Variants in CHRM3 observed in about 807,000 individuals in gnomAD.
CHRM3 encodes cholinergic receptor muscarinic 3.
A neutral mutation model predicts 41.8 loss-of-function variants in CHRM3; 11 were observed. That is an observed-to-expected ratio of 0.26 (90% CI 0.17 to 0.44). CHRM3 has a LOEUF of 0.44. Among genes scored for constraint, CHRM3 ranks in the 20% least tolerant of loss-of-function variants. The probability of loss-of-function intolerance (pLI) is 1.00; values close to 1 mark genes in which losing one functional copy is unlikely to be tolerated. For missense variants in CHRM3, 571 were observed against 745.4 expected (o/e 0.77, Z 2.72); for synonymous variants, 297 against 301.4 (o/e 0.99, Z 0.15).
chr1:239,911,102 T>A lies in CHRM3; in HGVS notation c.*1878T>A, dbSNP rs1039898034. ...CCTGTGGCTAAGAAGAAGAAACATG[T>A]CATCCTGTTGGCATCACCAAGCACC... On this transcript the variant is annotated 3_prime_UTR_variant, in exon 7 of 7. Coordinates refer to ENST00000676153, the MANE Select transcript of CHRM3 (RefSeq NM_001375978.1). 7.8e-5 allele frequency: 13 copies of A among 167,050 alleles called. No homozygotes were observed. The highest frequency in any genetic ancestry group is 1.6e-4 in the Non-Finnish European group (11 of 68,122). The allele number at this position is 167,050 out of a possible 1,614,324, so 10.3% of individuals were successfully genotyped here.
At chr1:239,462,238 A>G (rs1464126832) in intron 1 of CHRM3, among the ~76,000 whole-genome samples, 1 of 152,174 alleles carries the variant, frequency 6.6e-6, no homozygotes, top group African/African-American at 2.4e-5. Flanking sequence ...ATTATTCCAC[A>G]AGCAGTTTTA....
intron 1 of CHRM3, among the ~76,000 whole-genome samples, chr1:239,393,360 C>A (rs189940463): frequency 5.6e-4 from 85 of 152,264 alleles, no homozygotes; most frequent in Non-Finnish European, 2.2e-4. Flanking sequence ...AAAAGCACAA[C>A]TTCTGTTGTG....
At chr1:239,677,105 GCTCTGTGATGTCACC>G (rs563252176) in intron 4 of CHRM3, among the ~76,000 whole-genome samples, 15 of 152,178 alleles carry the variant, frequency 9.9e-5, no homozygotes, top group Non-Finnish European at 1.6e-4. Context: ...AAGACCCCCT[GCTCTGTGATGTCACC>G]CTCTTACCTA....
chr1:239,805,699 T>C (rs1458354090), intron 5 of CHRM3, among the ~76,000 whole-genome samples: 1 of 152,124 alleles, frequency 6.6e-6, no homozygotes, highest in African/African-American at 2.4e-5. Context: ...TTCTCCTTAG[T>C]TACATTTTTT....
At chr1:239,558,531 G>T (rs147933705) in intron 3 of CHRM3, among the ~76,000 whole-genome samples, 1 of 152,090 alleles carries the variant, frequency 6.6e-6, no homozygotes, top group Non-Finnish European at 1.5e-5. Context: ...ATTGAATCTC[G>T]CATTTCAGCT....
chr1:239,755,168 G>A (rs1156826154), intron 5 of CHRM3, among the ~76,000 whole-genome samples: 2 of 152,068 alleles, frequency 1.3e-5, no homozygotes, highest in Admixed American at 6.6e-5. Flanking sequence ...AAAGATTCCA[G>A]AGGACTCCAC....
At chr1:239,849,996 C>G (rs1674573476) in intron 6 of CHRM3, among the ~76,000 whole-genome samples, 1 of 151,872 alleles carries the variant, frequency 6.6e-6, no homozygotes, top group Non-Finnish European at 1.5e-5. Context: ...GTTTAAATTC[C>G]TGGGAAAATA....
intron 4 of CHRM3, among the ~76,000 whole-genome samples, chr1:239,668,374 C>A (rs1216993665): frequency 6.6e-6 from 1 of 152,022 alleles, no homozygotes; most frequent in African/African-American, 2.4e-5. Flanking sequence ...CAGGTGTGAG[C>A]CACCGTGTCT....
intron 5 of CHRM3, among the ~76,000 whole-genome samples, chr1:239,723,593 G>A (rs1055862732): frequency 4.6e-5 from 7 of 151,846 alleles, no homozygotes; most frequent in South Asian, 2.1e-4. Flanking sequence ...GCCATATATC[G>A]AAAAATTCCT....
At chr1:239,517,721 G>T (rs1669366077) in intron 2 of CHRM3, among the ~76,000 whole-genome samples, 1 of 152,100 alleles carries the variant, frequency 6.6e-6, no homozygotes, top group African/African-American at 2.4e-5. Flanking sequence ...CTTTAGAAAT[G>T]AGCATTTTTT....
intron 2 of CHRM3, among the ~76,000 whole-genome samples, chr1:239,530,801 A>C (rs1218663): frequency 0.49 from 74,607 of 151,988 alleles, 18,696 homozygotes; most frequent in Middle Eastern, 0.63. Context: ...AAAACAACAA[A>C]AAAAAAGAAA....
chr1:239,669,738 T>C (rs1189580088), intron 4 of CHRM3, among the ~76,000 whole-genome samples: 1 of 152,228 alleles, frequency 6.6e-6, no homozygotes, highest in Non-Finnish European at 1.5e-5. Context: ...ATACTAATTA[T>C]AATATTGTCA....
intron 1 of CHRM3, among the ~76,000 whole-genome samples, chr1:239,391,498 G>A (rs1659032036): frequency 6.6e-6 from 1 of 152,084 alleles, no homozygotes; most frequent in Non-Finnish European, 1.5e-5. Flanking sequence ...CCCAGCCTCT[G>A]GCAGGCTCTC....
intron 5 of CHRM3, among the ~76,000 whole-genome samples, chr1:239,681,530 C>A (rs1571964539): frequency 6.6e-6 from 1 of 152,150 alleles, no homozygotes; most frequent in South Asian, 2.1e-4. Context: ...TAAAAAAGAT[C>A]AAGCCTCTGT....
intron 6 of CHRM3, among the ~76,000 whole-genome samples, chr1:239,878,279 T>A (rs1455730323): frequency 6.6e-6 from 1 of 152,122 alleles, no homozygotes; most frequent in Non-Finnish European, 1.5e-5. Context: ...CTGGGGGTGA[T>A]GCAAGACAGT....
chr1:239,644,041 C>G (rs1671502571), intron 4 of CHRM3, among the ~76,000 whole-genome samples: 1 of 152,192 alleles, frequency 6.6e-6, no homozygotes, highest in African/African-American at 2.4e-5. Context: ...AAGATTCTAA[C>G]AGCTATTACT....
intron 4 of CHRM3, among the ~76,000 whole-genome samples, chr1:239,639,080 G>A (rs1670803581): frequency 6.6e-6 from 1 of 151,770 alleles, no homozygotes; most frequent in Admixed American, 6.6e-5. Context: ...TTGTAGATAT[G>A]CGGCATTATT....
chr1:239,584,834 T>C (rs1008282142), intron 3 of CHRM3, among the ~76,000 whole-genome samples: 1 of 152,150 alleles, frequency 6.6e-6, no homozygotes, highest in Non-Finnish European at 1.5e-5. Flanking sequence ...CTGTTGGTTA[T>C]ATGGACATTG....
chr1:239,889,883 C>G (rs1678401340), intron 6 of CHRM3, among the ~76,000 whole-genome samples: 6 of 152,158 alleles, frequency 3.9e-5, no homozygotes, highest in Admixed American at 3.9e-4. Flanking sequence ...GGCCTTTAGT[C>G]TTGGCAGTTT....
Sources: allele counts gnomAD v4.1 joint callset (sites outside exome capture counted in the v4.1 genomes callset), GRCh38; gene constraint gnomAD v4.1.1; transcripts MANE v1.5; gene names NCBI Gene and HGNC (gene_info 2026-07-23, HGNC 2026-07-21).